The following PEAK1 variants were observed in gnomAD, a reference collection of about 807,000 sequenced individuals.
The protein encoded by PEAK1 is pseudopodium enriched atypical kinase 1.
PEAK1 carries 54 observed loss-of-function variants against 124.7 expected under a neutral mutation model. The ratio of observed to expected loss-of-function variants is 0.43; its 90% confidence interval spans 0.35 to 0.54. The LOEUF is 0.54. Ranked by LOEUF, PEAK1 falls within the 20% of genes least tolerant of loss-of-function variation. The probability of loss-of-function intolerance (pLI) is 0.01; values close to 1 mark genes in which losing one functional copy is unlikely to be tolerated. For missense variants in PEAK1, 2,046 were observed against 2,134.5 expected (o/e 0.96, Z 0.82); for synonymous variants, 719 against 760.0 (o/e 0.95, Z 0.89).
intron 5 of PEAK1, among the ~76,000 whole-genome samples, chr15:77,272,580 C>A (rs2062094709): frequency 6.6e-6 from 1 of 152,202 alleles, no homozygotes; most frequent in African/African-American, 2.4e-5. Context: ...AAACTCTGAA[C>A]AGACCAATAA....
intron 2 of PEAK1, among the ~76,000 whole-genome samples, chr15:77,307,032 T>G (rs575486574): frequency 6.6e-6 from 1 of 152,288 alleles, no homozygotes; most frequent in African/African-American, 2.4e-5. Flanking sequence ...CAAATATTTC[T>G]ATTACTTCAT....
At chr15:77,419,512 C>T (rs1216855533) in intron 1 of PEAK1, 1 of 985,180 alleles carries the variant, frequency 1.0e-6, no homozygotes, top group Admixed American at 6.1e-5. Flanking sequence ...CGGCTCCGTC[C>T]CGACGCTGCC....
chr15:77,197,034 T>A (rs928621732), intron 6 of PEAK1, among the ~76,000 whole-genome samples: 4 of 151,074 alleles, frequency 2.6e-5, no homozygotes, highest in South Asian at 2.1e-4. Context: ...TTTTTTTTTT[T>A]AAGATACAGG....
chr15:77,226,075 A>ATATATATATATATAT (rs1567137784), intron 6 of PEAK1, among the ~76,000 whole-genome samples: 1 of 137,270 alleles, frequency 7.3e-6, no homozygotes, highest in Non-Finnish European at 1.6e-5. Flanking sequence ...ATATATATAT[A>ATATATATATATATAT]TATATATATA....
At chr15:77,346,852 A>G in intron 2 of PEAK1, 1 of 592,902 alleles carries the variant, frequency 1.7e-6, no homozygotes, top group South Asian at 7.5e-5. Flanking sequence ...AACTAGACAC[A>G]ATGTCCCTTT....
At chr15:77,163,104 A>C (rs185765995) in intron 7 of PEAK1, among the ~76,000 whole-genome samples, 5 of 152,208 alleles carry the variant, frequency 3.3e-5, no homozygotes, top group African/African-American at 1.2e-4. Context: ...GGTTGGGTCA[A>C]ACTCTGACTT....
chr15:77,416,093 A>G (rs1045354314), intron 1 of PEAK1, among the ~76,000 whole-genome samples: 1 of 152,190 alleles, frequency 6.6e-6, no homozygotes, highest in African/African-American at 2.4e-5. Flanking sequence ...CCTAATCACC[A>G]AGTCTCAGAG....
intron 6 of PEAK1, among the ~76,000 whole-genome samples, chr15:77,234,083 C>A (rs968797367): frequency 6.6e-6 from 1 of 152,188 alleles, no homozygotes; most frequent in African/African-American, 2.4e-5. Flanking sequence ...CCTGGCTGGT[C>A]TTGAACTCCT....
chr15:77,391,476 CAAAAAAAAAAA>C (rs536286745), intron 1 of PEAK1, among the ~76,000 whole-genome samples: 78 of 68,300 alleles, frequency 1.1e-3, no homozygotes, highest in East Asian at 5.1e-3. Flanking sequence ...TAACTCATGG[CAAAAAAAAAAA>C]AAAAAAAAAA....
At chr15:77,338,264 C>T (rs572095446) in intron 2 of PEAK1, among the ~76,000 whole-genome samples, 397 of 152,272 alleles carry the variant, frequency 2.6e-3, no homozygotes, top group African/African-American at 9.2e-3. Context: ...ATGAAACTTG[C>T]TGCATTCATC....
At chr15:77,161,837 G>A (rs2055668699) in intron 7 of PEAK1, among the ~76,000 whole-genome samples, 1 of 151,772 alleles carries the variant, frequency 6.6e-6, no homozygotes, top group African/African-American at 2.4e-5. Flanking sequence ...GTGGTGGCAG[G>A]TGCCTATAAT....
intron 8 of PEAK1, among the ~76,000 whole-genome samples, chr15:77,153,696 A>G (rs1317935857): frequency 4.6e-5 from 7 of 151,956 alleles, no homozygotes; most frequent in African/African-American, 1.7e-4. Flanking sequence ...CTTTGTTCTC[A>G]TTGGTTTCAA....
At chr15:77,395,652 A>G (rs1318388879) in intron 1 of PEAK1, among the ~76,000 whole-genome samples, 1 of 152,170 alleles carries the variant, frequency 6.6e-6, no homozygotes, top group Non-Finnish European at 1.5e-5. Flanking sequence ...CAAGAGGCAC[A>G]ACATATTTAA....
intron 2 of PEAK1, among the ~76,000 whole-genome samples, chr15:77,321,810 A>G (rs975131285): frequency 3.3e-5 from 5 of 152,170 alleles, no homozygotes; most frequent in African/African-American, 1.2e-4. Context: ...TAAGTCTTTA[A>G]TCCATCTCAA....
In PEAK1 at chr15:77,323,083, A is replaced by AC. The variant is rs1458919269; in HGVS notation, c.-602-36580dup. ...AAAAGGCCTTTGACAAAATTCAACAACCTTCATGCTAAAAACTCTCAATAA... is the reference window on the plus strand; with the variant it reads ...AAAAGGCCTTTGACAAAATTCAACAACCCTTCATGCTAAAAACTCTCAATAA... On this transcript the variant is annotated intron_variant, in intron 2 of 9. Coordinates refer to ENST00000682557, the MANE Select transcript of PEAK1 (RefSeq NM_001385026.1). Among the ~76,000 whole-genome samples, 607 of 152,106 alleles carry AC rather than the reference A, an allele frequency of 4.0e-3. 2 individuals carry two copies. The highest frequency in any genetic ancestry group is 0.011 in the African/African-American group (474 of 41,500).
At chr15:77,313,704 A>ATGTC (rs1555478140) in intron 2 of PEAK1, among the ~76,000 whole-genome samples, 1 of 112,484 alleles carries the variant, frequency 8.9e-6, no homozygotes, top group Admixed American at 9.2e-5. Flanking sequence ...ATATATATAT[A>ATGTC]TGTATGTGTG....
intron 2 of PEAK1, among the ~76,000 whole-genome samples, chr15:77,355,409 G>A (rs980879696): frequency 6.6e-6 from 1 of 152,162 alleles, no homozygotes; most frequent in Non-Finnish European, 1.5e-5. Flanking sequence ...GGGCCATTTT[G>A]GGCAAGAATG....
chr15:77,372,255 A>T (rs943260106), intron 1 of PEAK1, among the ~76,000 whole-genome samples: 8 of 152,204 alleles, frequency 5.3e-5, no homozygotes, highest in Non-Finnish European at 1.2e-4. Context: ...ATAACCTTAA[A>T]GGGGTCCACA....
chr15:77,181,760 C>T lies in PEAK1; in HGVS notation c.167G>A (p.Arg56Lys), dbSNP rs764000073. ...NANHSNNHRIRNTGNFRPPVA... is the reference protein window; with the variant it reads ...NANHSNNHRIKNTGNFRPPVA... ...AGGAGGCCGGAAATTGCCCGTGTTC[C>T]TGATGCGGTGGTTGTTACTGTGATT... Residue 56 changes from arginine to lysine, a missense_variant, in exon 7 of 10, where the codon AGG (arginine) becomes AAG (lysine). Coordinates refer to ENST00000682557, the MANE Select transcript of PEAK1 (RefSeq NM_001385026.1). 1 of 1,614,108 alleles carries T rather than the reference C, an allele frequency of 6.2e-7. No homozygotes were observed. The highest frequency in any genetic ancestry group is 8.5e-7 in the Non-Finnish European group (1 of 1,180,014).
Sources: allele counts gnomAD v4.1 joint callset (sites outside exome capture counted in the v4.1 genomes callset), GRCh38; gene constraint gnomAD v4.1.1; transcripts MANE v1.5; gene names NCBI Gene and HGNC (gene_info 2026-07-23, HGNC 2026-07-21).